The following CASQ2 variants were observed in gnomAD, a reference collection of about 807,000 sequenced individuals.
The protein encoded by CASQ2 is calsequestrin-2.
CASQ2 carries 49 observed loss-of-function variants against 46.5 expected under a neutral mutation model. The observed-to-expected ratio is 1.05, with a 90% CI of 0.84 to 1.34. The LOEUF (loss-of-function observed/expected upper bound fraction) is 1.34, where lower values mean the gene tolerates loss of function less well. Among genes scored for constraint, CASQ2 ranks in the 40% most tolerant of loss-of-function variants. The probability of loss-of-function intolerance (pLI) is 0.00; values close to 1 mark genes in which losing one functional copy is unlikely to be tolerated. For synonymous variants in CASQ2, 174 were observed against 168.5 expected (o/e 1.03, Z -0.25); for missense variants, 486 against 481.3 (o/e 1.01, Z -0.09).
intron 1 of CASQ2, among the ~76,000 whole-genome samples, chr1:115,767,899 A>G (rs1314511543): frequency 3.3e-5 from 5 of 152,166 alleles, no homozygotes; most frequent in Non-Finnish European, 7.3e-5. Context: ...TCTCTCCAGG[A>G]TCATGGGGAG....
rs1335905445 is a variant in CASQ2 at position 115,704,435 on chromosome 1, C to T, written c.939+757G>A. Among the ~76,000 whole-genome samples the T allele has an allele frequency of 2.6e-5, 4 of 152,266 alleles. No individual in the cohort carries two copies. In the South Asian group the frequency reaches 8.3e-4, roughly 32 times the overall value. ...CCTTGTGACAGGGATTATAATAGTA[C>T]CTACTTCACAGGGTTGTTGAGAGGA... On this transcript the variant is annotated intron_variant, in intron 9 of 10. Transcript: ENST00000261448.
intron 4 of CASQ2, among the ~76,000 whole-genome samples, chr1:115,735,172 G>A (rs1647915107): frequency 6.6e-6 from 1 of 152,116 alleles, no homozygotes; most frequent in African/African-American, 2.4e-5. Flanking sequence ...TCATATAAAG[G>A]TTTGCCTGTG....
At chr1:115,746,143 T>C (rs1648380890) in intron 1 of CASQ2, among the ~76,000 whole-genome samples, 1 of 145,830 alleles carries the variant, frequency 6.9e-6, no homozygotes, top group African/African-American at 2.5e-5. Context: ...TCTAGGTTGT[T>C]GCATGTATCG....
Position 115,738,329 on chromosome 1 carries a change from C to T in CASQ2, c.427G>A (p.Glu143Lys). 1 of 1,602,570 alleles carries T rather than the reference C, an allele frequency of 6.2e-7. No homozygotes were observed. The highest frequency in any genetic ancestry group is 8.6e-7 in the Non-Finnish European group (1 of 1,169,418). Residue 143 changes from glutamate to lysine, a missense_variant, in exon 4 of 11, where the codon GAA becomes AAA. Glu to Lys is a moderately conservative substitution (Grantham distance 56). Coordinates refer to ENST00000261448, the MANE Select transcript of CASQ2 (RefSeq NM_001232.4). ...CTGCTGATGATCTCCACTGGGTCTT[C>T]AATTAGCTGAAATGCCACACGCACA... Reference protein sequence around the residue: ...VLVEFLLDLIEDPVEIISSKL... With the variant: ...VLVEFLLDLIKDPVEIISSKL...
chr1:115,764,056 C>T (rs1441662596), intron 1 of CASQ2, among the ~76,000 whole-genome samples: 1 of 151,690 alleles, frequency 6.6e-6, no homozygotes, highest in East Asian at 1.9e-4. Flanking sequence ...TTTGTGTTGA[C>T]ACCCCAATAG....
intron 8 of CASQ2, among the ~76,000 whole-genome samples, chr1:115,709,861 G>A (rs1654487436): frequency 6.6e-6 from 1 of 151,750 alleles, no homozygotes; most frequent in Non-Finnish European, 1.5e-5. Context: ...GTTTTGTTTT[G>A]AGATGGAGTC....
intron 3 of CASQ2, among the ~76,000 whole-genome samples, chr1:115,739,558 C>T (rs553468654): frequency 9.2e-5 from 14 of 152,276 alleles, no homozygotes; most frequent in African/African-American, 3.4e-4. Flanking sequence ...GGGAAAAGTT[C>T]TTTACTCTTA....
intron 4 of CASQ2, among the ~76,000 whole-genome samples, chr1:115,736,677 T>C (rs1202114053): frequency 6.6e-6 from 1 of 152,178 alleles, no homozygotes; most frequent in Non-Finnish European, 1.5e-5. Context: ...AAGATTCTCA[T>C]TCAAAATTTT....
At chr1:115,702,457 C>T (rs771390940) in intron 10 of CASQ2, among the ~76,000 whole-genome samples, 20 of 152,290 alleles carry the variant, frequency 1.3e-4, no homozygotes, top group South Asian at 4.1e-4. Flanking sequence ...GAGGAGAAGC[C>T]CCTTACTCGC....
At chr1:115,702,070 C>T (rs1654222699) in intron 10 of CASQ2, among the ~76,000 whole-genome samples, 1 of 152,030 alleles carries the variant, frequency 6.6e-6, no homozygotes, top group African/African-American at 2.4e-5. Flanking sequence ...TTACAGGCAC[C>T]CATGACCATG....
chr1:115,738,525 A>T (rs1648045271), intron 3 of CASQ2, among the ~76,000 whole-genome samples, 190 bp from the exon 4 acceptor site: 1 of 152,218 alleles, frequency 6.6e-6, no homozygotes, highest in Non-Finnish European at 1.5e-5. Flanking sequence ...CTTAACTTAA[A>T]GAGTTAAATG....
intron 7 of CASQ2, among the ~76,000 whole-genome samples, chr1:115,720,191 C>T (rs1277272695): frequency 2.0e-5 from 3 of 152,088 alleles, no homozygotes; most frequent in Non-Finnish European, 4.4e-5. Flanking sequence ...ACCTGGGTAG[C>T]TTATAAACAA....
chr1:115,722,626 A>G (rs1647417304), intron 7 of CASQ2, among the ~76,000 whole-genome samples: 1 of 152,216 alleles, frequency 6.6e-6, no homozygotes. Flanking sequence ...TAAAGACAAT[A>G]AAAAGAAAAA....
At chr1:115,713,056 T>C (rs1654598926) in intron 8 of CASQ2, among the ~76,000 whole-genome samples, 1 of 152,082 alleles carries the variant, frequency 6.6e-6, no homozygotes, top group South Asian at 2.1e-4. Context: ...ACTAATTCTG[T>C]TCCACGTGTG....
chr1:115,738,075 T>C, intron 4 of CASQ2, 149 bp downstream of exon 4: 1 of 715,848 alleles, frequency 1.4e-6, no homozygotes, highest in Non-Finnish European at 2.6e-6. Flanking sequence ...GCACATGTAC[T>C]CCACTGTGTT....
chr1:115,703,099 G>A, intron 9 of CASQ2, 104 bp from the exon 10 acceptor site: 1 of 885,806 alleles, frequency 1.1e-6, no homozygotes, highest in South Asian at 1.4e-5. Flanking sequence ...TTGGTTAAAG[G>A]TCTTCAAAAC....
intron 1 of CASQ2, among the ~76,000 whole-genome samples, chr1:115,760,635 G>A (rs1275661436): frequency 6.6e-6 from 1 of 152,208 alleles, no homozygotes; most frequent in African/African-American, 2.4e-5. Context: ...CACTCAGAAA[G>A]CTTTTAAAAA....
At position 115,701,315 on chromosome 1, in the gene CASQ2, C is replaced by T. The variant is rs764599645; in HGVS notation, c.1126G>A (p.Asp376Asn). The change falls in exon 11 of 11, where the codon GAT (aspartate) becomes AAT (asparagine). Residue 376 changes from aspartate to asparagine, a missense_variant. Asp to Asn is a conservative substitution (Grantham distance 23). Transcript: ENST00000261448. ...TTATCATCATCATCATCATCTTCAT[C>T]ATCATCTTCAGTGTTTATCTTTCCA... Reference protein sequence around the residue: ...LSGKINTEDDDEDDDDDDNSD... With the variant: ...LSGKINTEDDNEDDDDDDNSD... 1.2e-6 allele frequency: 2 copies of T among 1,605,040 alleles called. No individual in the cohort carries two copies. The highest frequency in any genetic ancestry group is 2.2e-5 in the East Asian group (1 of 44,828).
intron 1 of CASQ2, among the ~76,000 whole-genome samples, chr1:115,750,101 G>T (rs1166427231): frequency 1.3e-5 from 2 of 152,204 alleles, no homozygotes; most frequent in Non-Finnish European, 2.9e-5. Context: ...TGGATGAATG[G>T]GTGGATTGGT....
Sources: gnomAD v4.1 joint callset for allele counts (sites outside exome capture counted in the v4.1 genomes callset) on GRCh38, gnomAD v4.1.1 for gene constraint, MANE v1.5 for transcripts, NCBI Gene and HGNC (gene_info 2026-07-23, HGNC 2026-07-21) for gene names.